The following ST18 variants were observed in gnomAD, a reference collection of about 807,000 sequenced individuals.
ST18 encodes suppression of tumorigenicity 18 protein.
ST18 carries 50 observed loss-of-function variants against 110.0 expected under a neutral mutation model. The ratio of observed to expected loss-of-function variants is 0.45; its 90% CI spans 0.36 to 0.58. The LOEUF is 0.58. Among genes scored for constraint, ST18 ranks in the 20% least tolerant of loss-of-function variants. The pLI, the probability that ST18 is intolerant of heterozygous loss-of-function variation, is 0.00. For synonymous variants in ST18, 461 were observed against 452.4 expected, an observed-to-expected ratio of 1.02 and a Z score of -0.24; for missense variants, 1,306 against 1,280.1, an observed-to-expected ratio of 1.02 and a Z score of -0.31.
chr8:52,339,225 C>T (rs1813685285), intron 2 of ST18, among the ~76,000 whole-genome samples: 1 of 152,256 alleles, frequency 6.6e-6, no homozygotes, highest in Admixed American at 6.5e-5. Context: ...CTCTGAGCCC[C>T]AAGAGGCCAT....
chr8:52,332,871 A>G (rs888371356), intron 2 of ST18, among the ~76,000 whole-genome samples: 5 of 152,066 alleles, frequency 3.3e-5, no homozygotes, highest in Non-Finnish European at 7.4e-5. Flanking sequence ...AACAAAATAT[A>G]TATATATATG....
intron 2 of ST18, among the ~76,000 whole-genome samples, chr8:52,390,322 G>A (rs1429742286): frequency 1.3e-5 from 2 of 152,100 alleles, no homozygotes; most frequent in East Asian, 1.9e-4. Context: ...AGGATGAAAA[G>A]CAATGAAGCC....
chr8:52,128,215 C>G (rs751111902), intron 22 of ST18, among the ~76,000 whole-genome samples: 11 of 152,188 alleles, frequency 7.2e-5, no homozygotes, highest in Non-Finnish European at 1.6e-4. Flanking sequence ...GTGATCTGCC[C>G]GCCTTGGCCT....
intron 3 of ST18, among the ~76,000 whole-genome samples, chr8:52,227,443 G>T (rs533218593): frequency 7.2e-5 from 11 of 152,132 alleles, no homozygotes; most frequent in Admixed American, 5.9e-4. Context: ...TCCAGAAGAC[G>T]ATGATTCCTG....
At chr8:52,344,824 A>G (rs961871406) in intron 2 of ST18, among the ~76,000 whole-genome samples, 1 of 152,240 alleles carries the variant, frequency 6.6e-6, no homozygotes, top group Non-Finnish European at 1.5e-5. Context: ...TTAATAAATA[A>G]TAATAAAGCT....
chr8:52,121,006 C>A (rs1283421037), intron 23 of ST18, among the ~76,000 whole-genome samples: 1 of 152,254 alleles, frequency 6.6e-6, no homozygotes, highest in East Asian at 1.9e-4. Flanking sequence ...AACTGTAGAG[C>A]TGTCTCTGTG....
chr8:52,231,750 C>A (rs2091438239), intron 2 of ST18, among the ~76,000 whole-genome samples: 1 of 152,224 alleles, frequency 6.6e-6, no homozygotes, highest in African/African-American at 2.4e-5. Context: ...GCTGGGATTA[C>A]AGGTGTGAGC....
chr8:52,131,866 C>T (rs1473170974), intron 22 of ST18, 92 bp downstream of exon 22: 7 of 1,224,922 alleles, frequency 5.7e-6, no homozygotes, highest in East Asian at 2.4e-5. Context: ...AGTGAACAAC[C>T]TTTAGGGGGT....
intron 2 of ST18, among the ~76,000 whole-genome samples, chr8:52,323,486 C>G (rs188357500): frequency 6.6e-6 from 1 of 152,174 alleles, no homozygotes; most frequent in East Asian, 1.9e-4. Flanking sequence ...CCTCAAATAC[C>G]TCTCTTCTTA....
intron 2 of ST18, among the ~76,000 whole-genome samples, chr8:52,263,210 T>A (rs2138693063): frequency 6.6e-6 from 1 of 152,330 alleles, no homozygotes; most frequent in Non-Finnish European, 1.5e-5. Flanking sequence ...TCTTCTGGCA[T>A]GTACAGAGAG....
At chr8:52,389,995 T>C (rs890236810) in intron 2 of ST18, among the ~76,000 whole-genome samples, 5 of 152,150 alleles carry the variant, frequency 3.3e-5, no homozygotes, top group African/African-American at 1.2e-4. Context: ...AGACATGCTT[T>C]ACCACTTTCC....
intron 2 of ST18, among the ~76,000 whole-genome samples, chr8:52,302,626 T>C (rs1427102633): frequency 6.6e-6 from 1 of 152,098 alleles, no homozygotes; most frequent in Non-Finnish European, 1.5e-5. Context: ...CAGTACAAAG[T>C]GGACCTGAAC....
At chr8:52,318,060 C>T (rs773623494) in intron 2 of ST18, among the ~76,000 whole-genome samples, 2 of 152,034 alleles carry the variant, frequency 1.3e-5, no homozygotes, top group Non-Finnish European at 2.9e-5. Flanking sequence ...AGCTTCTGCA[C>T]AGCAAAAGAA....
At chr8:52,187,206 A>G (rs1284707620) in intron 8 of ST18, among the ~76,000 whole-genome samples, 1 of 152,220 alleles carries the variant, frequency 6.6e-6, no homozygotes, top group African/African-American at 2.4e-5. Flanking sequence ...ATAACAGGTA[A>G]GATTTAGTGA....
intron 2 of ST18, among the ~76,000 whole-genome samples, chr8:52,399,802 T>C (rs759848759): frequency 6.6e-6 from 1 of 152,100 alleles, no homozygotes; most frequent in Non-Finnish European, 1.5e-5. Context: ...ATGGTACATA[T>C]AATTTCAATC....
At chr8:52,385,406 C>T (rs1351777303) in intron 2 of ST18, among the ~76,000 whole-genome samples, 4 of 152,122 alleles carry the variant, frequency 2.6e-5, no homozygotes, top group Non-Finnish European at 5.9e-5. Context: ...TCAAGACCAG[C>T]CTGGCCAACA....
chr8:52,295,416 C>A (rs529619759), intron 2 of ST18, among the ~76,000 whole-genome samples: 1 of 152,218 alleles, frequency 6.6e-6, no homozygotes, highest in East Asian at 1.9e-4. Context: ...TTCCCTCTCT[C>A]TCTAAGTAAT....
chr8:52,391,218 C>A (rs563986062), intron 2 of ST18, among the ~76,000 whole-genome samples: 16 of 152,282 alleles, frequency 1.1e-4, no homozygotes, highest in Non-Finnish European at 2.1e-4. Flanking sequence ...CTCTCATTCT[C>A]CTGGGTAAAT....
intron 8 of ST18, among the ~76,000 whole-genome samples, chr8:52,205,654 G>A (rs2079731260): frequency 6.6e-6 from 1 of 152,046 alleles, no homozygotes; most frequent in African/African-American, 2.4e-5. Context: ...TGCAACCTCC[G>A]CCTCCTGGGT....
Sources: allele counts gnomAD v4.1 joint callset (sites outside exome capture counted in the v4.1 genomes callset), GRCh38; gene constraint gnomAD v4.1.1; transcripts MANE v1.5; gene names NCBI Gene and HGNC (gene_info 2026-07-23, HGNC 2026-07-21).